The following STAU2 variants were observed in gnomAD, a reference collection of about 807,000 sequenced individuals.
STAU2 encodes the protein staufen double-stranded RNA binding protein 2.
In STAU2, 20 loss-of-function variants were observed where a neutral mutation model predicts 65.9. The ratio of observed to expected loss-of-function variants is 0.30; its 90% CI spans 0.21 to 0.44. The LOEUF (loss-of-function observed/expected upper bound fraction) is 0.44, where lower values mean the gene tolerates loss of function less well. STAU2 is among the 20% of genes least tolerant of loss of function. The pLI is 1.00. For synonymous variants in STAU2, 232 were observed against 233.9 expected (o/e 0.99, Z 0.07); for missense variants, 558 against 683.9 (o/e 0.82, Z 2.05).
In STAU2 at chr8:73,567,522, A is replaced by ATT. The variant is rs140460978; in HGVS notation, c.1223-15205_1223-15204dup. Among the ~76,000 whole-genome samples, 13 of 149,756 alleles carry ATT rather than the reference A, an allele frequency of 8.7e-5. No individual in the cohort carries two copies. The East Asian group carries it at 9.9e-4, about 11-fold the overall frequency. ...GATTAAAAAACGATTAAAAAAATTG[A>ATT]TTTTTTTTTCAAATAATATTTGTCT... On this transcript the variant is annotated intron_variant, in intron 12 of 14. Coordinates refer to ENST00000524300, the MANE Select transcript of STAU2 (RefSeq NM_001164380.2).
intron 13 of STAU2, among the ~76,000 whole-genome samples, chr8:73,491,605 T>TA (rs1004018041): frequency 1.3e-5 from 2 of 151,942 alleles, no homozygotes; most frequent in Admixed American, 1.3e-4. Context: ...TTTTTTTAAC[T>TA]AAAAAAATTA....
chr8:73,526,655 T>C (rs745621044), intron 13 of STAU2, among the ~76,000 whole-genome samples: 1 of 152,218 alleles, frequency 6.6e-6, no homozygotes, highest in Non-Finnish European at 1.5e-5. Flanking sequence ...TGGTTAGTCA[T>C]ACAGAAAACA....
chr8:73,736,121 T>G (rs1806411964), intron 3 of STAU2, among the ~76,000 whole-genome samples: 1 of 152,216 alleles, frequency 6.6e-6, no homozygotes, highest in Non-Finnish European at 1.5e-5. Flanking sequence ...GTAATTTTTG[T>G]TGCACTAGGG....
chr8:73,524,041 T>C (rs904533449), intron 13 of STAU2, among the ~76,000 whole-genome samples: 1 of 152,188 alleles, frequency 6.6e-6, no homozygotes, highest in African/African-American at 2.4e-5. Flanking sequence ...AGCAAAACTC[T>C]GTCTCAAAAT....
intron 13 of STAU2, among the ~76,000 whole-genome samples, chr8:73,487,830 C>T (rs1820991678): frequency 6.6e-6 from 1 of 151,652 alleles, no homozygotes; most frequent in Non-Finnish European, 1.5e-5. Context: ...TTCCAAAAAC[C>T]AAAAATAAAT....
intron 3 of STAU2, among the ~76,000 whole-genome samples, chr8:73,719,295 C>T (rs1318597078): frequency 6.6e-6 from 1 of 151,828 alleles, no homozygotes; most frequent in Non-Finnish European, 1.5e-5. Flanking sequence ...GTCCCAGCTA[C>T]TACAGAGGCT....
At position 73,617,324 on chromosome 8, in the gene STAU2, G is replaced by A; in HGVS notation, c.538C>T (p.Gln180Ter). Residue 180 changes from glutamine (Q) to a stop codon, truncating the protein, a stop_gained, in exon 7 of 15, where the codon CAG (glutamine) becomes TAG (stop). Coordinates refer to ENST00000524300, the MANE Select transcript of STAU2 (RefSeq NM_001164380.2). LOFTEE classifies it high-confidence loss of function. ...GATCTTTCTGGAATAGGTTCATTCT[G>A]CAGTGCTTGGAGGGCTTTCATTGCA... The part of the protein sequence containing the change: ...NAAMKALQAL[Q>*]NEPIPERSPQ... 1 of 1,614,076 alleles carries A rather than the reference G, an allele frequency of 6.2e-7. No individual in the cohort carries two copies. Among genetic ancestry groups the A allele is most frequent in the Non-Finnish European group, 8.5e-7 (1 of 1,179,992 alleles).
Position 73,427,771 on chromosome 8 carries a change from C to T in STAU2, c.1531-5069G>A, listed in dbSNP as rs183900609. Among the ~76,000 whole-genome samples the T allele has an allele frequency of 2.6e-3, 403 of 152,344 alleles. 1 individual carries two copies. The highest frequency in any genetic ancestry group is 9.5e-3 in the African/African-American group (394 of 41,582). On this transcript the variant is annotated intron_variant, in intron 13 of 14. Transcript: ENST00000524300. ...CTTTTTCCAGATATTCCCATTTTCA[C>T]GGAGTGGGCTCATGAACTTCAAGTT...
At chr8:73,507,865 T>C (rs1489655182) in intron 13 of STAU2, among the ~76,000 whole-genome samples, 1 of 152,238 alleles carries the variant, frequency 6.6e-6, no homozygotes, top group Non-Finnish European at 1.5e-5. Context: ...CACTTTTATG[T>C]TATGGAGATG....
chr8:73,735,405 G>C (rs1039835852), intron 3 of STAU2, among the ~76,000 whole-genome samples: 1 of 152,078 alleles, frequency 6.6e-6, no homozygotes, highest in African/African-American at 2.4e-5. Context: ...TAACAAGAAG[G>C]GGGGGTCTCT....
chr8:73,608,247 T>C (rs747699149), intron 9 of STAU2, among the ~76,000 whole-genome samples: 6 of 152,110 alleles, frequency 3.9e-5, no homozygotes, highest in Non-Finnish European at 5.9e-5. Flanking sequence ...TTCAGGTTAA[T>C]AGATGTCTGT....
At chr8:73,663,630 CA>C (rs57173658) in intron 6 of STAU2, among the ~76,000 whole-genome samples, 27,807 of 140,800 alleles carry the variant, frequency 0.2, 2,727 homozygotes, top group East Asian at 0.38. Flanking sequence ...TTAATTTTAC[CA>C]AAAAAAAAAA....
intron 5 of STAU2, among the ~76,000 whole-genome samples, chr8:73,681,865 G>A (rs1818457263): frequency 6.6e-6 from 1 of 152,040 alleles, no homozygotes; most frequent in South Asian, 2.1e-4. Context: ...AGCAACAACA[G>A]TTAAAAATGA....
chr8:73,595,390 A>G, intron 10 of STAU2, 93 bp from the exon 11 acceptor site: 1 of 1,181,512 alleles, frequency 8.5e-7, no homozygotes, highest in South Asian at 2.0e-5. Context: ...ACTCTCTAGC[A>G]TTTGAAAACA....
chr8:73,461,637 C>A (rs574325430), intron 13 of STAU2, among the ~76,000 whole-genome samples: 1 of 151,952 alleles, frequency 6.6e-6, no homozygotes, highest in African/African-American at 2.4e-5. Context: ...AGCAAAGAGG[C>A]CAACAGAGAG....
intron 12 of STAU2, among the ~76,000 whole-genome samples, chr8:73,564,513 G>A (rs974620119): frequency 1.3e-5 from 2 of 152,028 alleles, no homozygotes; most frequent in Non-Finnish European, 2.9e-5. Flanking sequence ...GGTGGAGGGT[G>A]GAAGGTGGAA....
intron 3 of STAU2, among the ~76,000 whole-genome samples, chr8:73,726,753 A>G (rs961207426): frequency 6.6e-6 from 1 of 152,192 alleles, no homozygotes; most frequent in East Asian, 1.9e-4. Flanking sequence ...TTGAACATTT[A>G]GAGCATATTA....
chr8:73,462,303 T>C (rs1040699363), intron 13 of STAU2, among the ~76,000 whole-genome samples: 2 of 152,084 alleles, frequency 1.3e-5, no homozygotes, highest in African/African-American at 4.8e-5. Flanking sequence ...CATGTTGGCA[T>C]GTTGGCCAGG....
chr8:73,649,315 T>G (rs1157160547), intron 6 of STAU2, among the ~76,000 whole-genome samples: 1 of 152,176 alleles, frequency 6.6e-6, no homozygotes, highest in Non-Finnish European at 1.5e-5. Context: ...ATACAGATCA[T>G]TATTCTTGCT....
Sources: allele counts gnomAD v4.1 joint callset (sites outside exome capture counted in the v4.1 genomes callset), GRCh38; gene constraint gnomAD v4.1.1; transcripts MANE v1.5; gene names NCBI Gene and HGNC (gene_info 2026-07-23, HGNC 2026-07-21).